Variants in CNTN5 observed in about 807,000 individuals in gnomAD.
The protein encoded by CNTN5 is contactin 5.
CNTN5 carries 77 observed loss-of-function variants against 129.1 expected under a neutral mutation model. The observed-to-expected ratio is 0.60, with a 90% CI of 0.50 to 0.72. The LOEUF (loss-of-function observed/expected upper bound fraction) is 0.72. CNTN5 is among the 30% of genes least tolerant of loss of function. The probability of loss-of-function intolerance (pLI) is 0.00; values close to 1 mark genes in which losing one functional copy is unlikely to be tolerated. For missense variants in CNTN5, 1,478 were observed against 1,328.8 expected (o/e 1.11, Z -1.75); for synonymous variants, 509 against 465.6 (o/e 1.09, Z -1.20).
At chr11:99,114,490 CCTT>C (rs1378366694) in intron 1 of CNTN5, among the ~76,000 whole-genome samples, 3 of 145,444 alleles carry the variant, frequency 2.1e-5, no homozygotes, top group Non-Finnish European at 4.5e-5. Context: ...TCTTCTTCTT[CCTT>C]CTTTTTTCTT....
intron 13 of CNTN5, among the ~76,000 whole-genome samples, chr11:100,114,092 T>C (rs1387143960): frequency 6.6e-6 from 1 of 152,086 alleles, no homozygotes; most frequent in Admixed American, 6.6e-5. Context: ...GGTAAAAGTA[T>C]TCGAACTTTG....
chr11:99,542,859 G>A (rs1180641447), intron 2 of CNTN5, among the ~76,000 whole-genome samples: 2 of 152,214 alleles, frequency 1.3e-5, no homozygotes, highest in Non-Finnish European at 2.9e-5. Flanking sequence ...GTGGATCCTG[G>A]AGTTGCAAAC....
intron 1 of CNTN5, among the ~76,000 whole-genome samples, chr11:99,029,743 C>T (rs1022198337): frequency 3.9e-5 from 6 of 151,998 alleles, no homozygotes; most frequent in Admixed American, 2.0e-4. Context: ...GATTTTGTTC[C>T]AAAGCAAGAG....
intron 3 of CNTN5, among the ~76,000 whole-genome samples, chr11:99,744,090 A>G (rs1046814970): frequency 9.2e-5 from 14 of 152,132 alleles, no homozygotes; most frequent in Admixed American, 9.2e-4. Context: ...GGGAAGACAT[A>G]TACTTCCAAA....
At chr11:100,254,902 G>T (rs201950252) in intron 16 of CNTN5, among the ~76,000 whole-genome samples, 1 of 152,124 alleles carries the variant, frequency 6.6e-6, no homozygotes, top group Non-Finnish European at 1.5e-5. Flanking sequence ...GCATTGCTTT[G>T]TAGCCACTAA....
chr11:100,275,036 T>A (rs1950478968), intron 18 of CNTN5, among the ~76,000 whole-genome samples: 2 of 151,894 alleles, frequency 1.3e-5, no homozygotes, highest in African/African-American at 4.8e-5. Context: ...AATTATCACA[T>A]TAAAAGTAAA....
intron 2 of CNTN5, among the ~76,000 whole-genome samples, chr11:99,433,872 G>T (rs908161270): frequency 1.3e-5 from 2 of 152,148 alleles, no homozygotes; most frequent in African/African-American, 4.8e-5. Context: ...TGATGACACA[G>T]GGATACAGCT....
At chr11:99,558,583 T>C (rs1425668630) in intron 3 of CNTN5, among the ~76,000 whole-genome samples, 2 of 151,936 alleles carry the variant, frequency 1.3e-5, no homozygotes, top group African/African-American at 2.4e-5. Context: ...AAATAAACAG[T>C]CCCTGCAAAA....
chr11:99,347,399 T>C (rs1457154543), intron 2 of CNTN5, among the ~76,000 whole-genome samples: 1 of 152,126 alleles, frequency 6.6e-6, no homozygotes, highest in African/African-American at 2.4e-5. Context: ...ATGTTTAGCT[T>C]CTCCACTCAC....
At chr11:99,893,516 G>A (rs2135918768) in intron 6 of CNTN5, among the ~76,000 whole-genome samples, 1 of 152,260 alleles carries the variant, frequency 6.6e-6, no homozygotes, top group Non-Finnish European at 1.5e-5. Context: ...CTAAATGGCA[G>A]ACAGGATTTC....
chr11:100,290,102 A>G (rs1950922060), intron 18 of CNTN5, among the ~76,000 whole-genome samples: 1 of 151,230 alleles, frequency 6.6e-6, no homozygotes, highest in African/African-American at 2.4e-5. Context: ...CAAGGAAATA[A>G]AAGAGGATAC....
chr11:99,683,600 T>G (rs1645290274), intron 3 of CNTN5, among the ~76,000 whole-genome samples: 1 of 151,864 alleles, frequency 6.6e-6, no homozygotes, highest in South Asian at 2.1e-4. Context: ...TCAAAATCAT[T>G]TTGCCTGATC....
At chr11:99,728,799 A>AG (rs1257910816) in intron 3 of CNTN5, among the ~76,000 whole-genome samples, 4 of 152,316 alleles carry the variant, frequency 2.6e-5, no homozygotes, top group East Asian at 3.9e-4. Flanking sequence ...GTTAAAAAAA[A>AG]CAGTCAGCAG....
intron 7 of CNTN5, among the ~76,000 whole-genome samples, chr11:99,952,441 C>T (rs752766687): frequency 6.6e-6 from 1 of 152,120 alleles, no homozygotes; most frequent in Non-Finnish European, 1.5e-5. Flanking sequence ...GACATATACT[C>T]TCCTAAGCAG....
At chr11:100,040,460 G>C (rs1244779412) in intron 9 of CNTN5, among the ~76,000 whole-genome samples, 1 of 152,190 alleles carries the variant, frequency 6.6e-6, no homozygotes, top group Non-Finnish European at 1.5e-5. Flanking sequence ...CAGATCTCAA[G>C]CTGCGTGCTG....
intron 2 of CNTN5, among the ~76,000 whole-genome samples, chr11:99,429,206 A>T (rs1412072108): frequency 4.2e-4 from 2 of 4,748 alleles, no homozygotes; most frequent in Admixed American, 0.018. Flanking sequence ...ATTTGGGCTT[A>T]AAGTTTTTTT....
chr11:99,683,696 A>G (rs1206372092), intron 3 of CNTN5, among the ~76,000 whole-genome samples: 3 of 151,900 alleles, frequency 2.0e-5, no homozygotes, highest in Non-Finnish European at 4.4e-5. Context: ...GAGTACATTG[A>G]GTCTATATAT....
chr11:99,360,887 A>G (rs1939064012), intron 2 of CNTN5, among the ~76,000 whole-genome samples: 2 of 152,102 alleles, frequency 1.3e-5, no homozygotes, highest in Middle Eastern at 3.2e-3. Flanking sequence ...AATTTTATCA[A>G]TTCATTTCTC....
chr11:99,992,266 T>C (rs1254914561), intron 8 of CNTN5, among the ~76,000 whole-genome samples: 1 of 152,210 alleles, frequency 6.6e-6, no homozygotes, highest in African/African-American at 2.4e-5. Context: ...ACAACAGGTA[T>C]TTCATAGACA....
Sources: gnomAD v4.1 joint callset for allele counts (sites outside exome capture counted in the v4.1 genomes callset) on GRCh38, gnomAD v4.1.1 for gene constraint, MANE v1.5 for transcripts, NCBI Gene and HGNC (gene_info 2026-07-23, HGNC 2026-07-21) for gene names.